The following IL9 variants were observed in gnomAD, a reference collection of about 807,000 sequenced individuals.
IL9 encodes interleukin-9.
A neutral mutation model predicts 12.9 loss-of-function variants in IL9; 16 were observed. The ratio of observed to expected loss-of-function variants is 1.24; its 90% CI spans 0.84 to 1.88. The LOEUF (loss-of-function observed/expected upper bound fraction) is 1.88. IL9 is among the 40% of genes most tolerant of loss of function. The pLI, the probability that IL9 is intolerant of heterozygous loss-of-function variation, is 0.00. For synonymous variants in IL9, 69 were observed against 63.8 expected, an observed-to-expected ratio of 1.08 and a Z score of -0.39; for missense variants, 170 against 173.1, an observed-to-expected ratio of 0.98 and a Z score of 0.10.
rs778676434 is a variant in IL9, at chr5:135,894,145, A to G, written c.190T>C (p.Cys64Arg). The G allele has an allele frequency of 1.2e-6, 2 of 1,612,006 alleles. No homozygotes were observed. Among genetic ancestry groups the G allele is most frequent in the African/African-American group, 2.7e-5 (2 of 74,884 alleles). The change falls in exon 4 of 5, where the codon TGC (cysteine) becomes CGC (arginine). Residue 64 changes from cysteine (C) to arginine (R), a missense_variant. By Grantham distance (180) the Cys-to-Arg change is radical. Transcript: ENST00000274520. Reference sequence around the variant, plus strand: ...CTCTCACTGAAGCATGGTCTGGTGCAGTTGTCCTGGTAAATAGTAAGGATT... The same window carrying G: ...CTCTCACTGAAGCATGGTCTGGTGCGGTTGTCCTGGTAAATAGTAAGGATT... Reference protein sequence around the residue: ...CLCLGIPSDNCTRPCFSERLS... With the variant: ...CLCLGIPSDNRTRPCFSERLS...
At chr5:135,894,576 G>T (rs766963614) in intron 3 of IL9, among the ~76,000 whole-genome samples, 1 of 152,222 alleles carries the variant, frequency 6.6e-6, no homozygotes, top group Non-Finnish European at 1.5e-5. Flanking sequence ...TACTCCAAGG[G>T]ACAGGGGCTG....
intron 3 of IL9, among the ~76,000 whole-genome samples, chr5:135,894,587 T>A (rs752143540): frequency 6.6e-6 from 1 of 152,346 alleles, no homozygotes; most frequent in Non-Finnish European, 1.5e-5. Context: ...ACAGGGGCTG[T>A]GCTGTCTGCC....
In IL9 at chr5:135,892,386, C is replaced by A. The variant is rs768335425; in HGVS notation, c.*5G>T. ...TTAATAAATAGGATAAATAATATTT[C>A]ATCTTCATATCTTGCCTCTCATCCC... On this transcript the variant is annotated 3_prime_UTR_variant, in exon 5 of 5. Coordinates refer to ENST00000274520, the MANE Select transcript of IL9 (RefSeq NM_000590.2). 1.9e-6 allele frequency: 3 copies of A among 1,576,664 alleles called. No individual in the cohort carries two copies. The South Asian group carries it at 3.5e-5, about 18-fold the overall frequency.
chr5:135,894,910 A>C (rs1762920666), intron 3 of IL9, among the ~76,000 whole-genome samples: 1 of 152,126 alleles, frequency 6.6e-6, no homozygotes, highest in African/African-American at 2.4e-5. Flanking sequence ...TCAAACCAAC[A>C]GTCACTCTAA....
chr5:135,895,291 CAA>C, intron 3 of IL9, 147 bp downstream of exon 3: 1 of 626,984 alleles, frequency 1.6e-6, no homozygotes, highest in Non-Finnish European at 2.7e-6. Flanking sequence ...TAATTTGTAA[CAA>C]TGTGGTTTTA....
chr5:135,894,061 C>T lies in IL9; in HGVS notation c.274G>A (p.Val92Met), dbSNP rs148613042. 5.7e-5 allele frequency: 92 copies of T among 1,612,872 alleles called. No individual in the cohort carries two copies. Among genetic ancestry groups the T allele is most frequent in the Admixed American group, 3.5e-4 (21 of 59,644 alleles). The change falls in exon 4 of 5, where the codon GTG (valine) becomes ATG (methionine). Residue 92 changes from valine to methionine, a missense_variant. Val to Met is a conservative substitution (Grantham distance 21, BLOSUM62 1). Transcript: ENST00000274520. ...QTRYPLIFSR[V>M]KKSVEVLKNN... ...TTTAGTACTTCAACTGATTTTTTCA[C>T]CCGACTGAAAATCAGTGGGTATCTT...
chr5:135,892,600 G>T, intron 4 of IL9, 90 bp from the exon 5 acceptor site: 1 of 1,430,578 alleles, frequency 7.0e-7, no homozygotes, highest in Non-Finnish European at 9.5e-7. Context: ...AGCCAGAGTC[G>T]GTGGTGAGGA....
In IL9 at chr5:135,895,704, T is replaced by G; in HGVS notation, c.113A>C (p.Gln38Pro). The G allele has an allele frequency of 6.2e-7, 1 of 1,612,406 alleles. No homozygotes were observed. The highest frequency in any genetic ancestry group is 8.5e-7 in the Non-Finnish European group (1 of 1,178,414). Residue 38 changes from glutamine to proline, a missense_variant and splice_region_variant, in exon 1 of 5, where the codon CAG becomes CCG. Physicochemically the swap from Gln to Pro is moderately conservative, Grantham distance 76. Coordinates refer to ENST00000274520, the MANE Select transcript of IL9 (RefSeq NM_000590.2). ...CCATGGGCTCCCCCTGCAGCCTACC[T>G]GCATCTTGTTGATGAGGAAGTTGAT... ...LDINFLINKM[Q>P]EDPASKCHCS...
Position 135,895,835 on chromosome 5 carries a change from CT to C in IL9, c.-20del. On this transcript the variant is annotated 5_prime_UTR_variant, in exon 1 of 5. Transcript: ENST00000274520. ...GAAGCATCTTGACAGCGGACTGGAG[CT>C]CGCTTGCAGACACCTTCAAATCGAG... is the stretch of plus-strand genomic sequence containing the variant. 2 of 1,547,410 alleles carry C rather than the reference CT, an allele frequency of 1.3e-6. No individual in the cohort carries two copies. Among genetic ancestry groups the C allele is most frequent in the Non-Finnish European group, 1.8e-6 (2 of 1,121,492 alleles).
Position 135,894,125 on chromosome 5 carries a change from A to G in IL9, c.210T>C (p.Ser70=). 1 of 1,613,238 alleles carries G rather than the reference A, an allele frequency of 6.2e-7. No homozygotes were observed. The highest frequency in any genetic ancestry group is 2.2e-5 in the East Asian group (1 of 44,872). The change falls in exon 4 of 5, where the codon AGT becomes AGC. Residue 70 remains serine (S), a synonymous_variant. Coordinates refer to ENST00000274520, the MANE Select transcript of IL9 (RefSeq NM_000590.2). ...PSDNCTRPCF[S]ERLSQMTNTT... ...TATTGGTCATCTGAGACAGTCTCTC[A>G]CTGAAGCATGGTCTGGTGCAGTTGT...
At chr5:135,893,353 T>G (rs968435791) in intron 4 of IL9, among the ~76,000 whole-genome samples, 4 of 152,210 alleles carry the variant, frequency 2.6e-5, no homozygotes, top group African/African-American at 2.4e-5. Context: ...GGCTCACACC[T>G]GTCATCCCAG....
intron 4 of IL9, 105 bp from the exon 5 acceptor site, chr5:135,892,615 G>T: frequency 7.6e-7 from 1 of 1,321,752 alleles, no homozygotes; most frequent in Non-Finnish European, 1.0e-6. Context: ...TGAGGATTGT[G>T]GGGATGGGAA....
rs760184247 is a variant in IL9, at chr5:135,894,171, T to TA, written c.184-21dup. ...GTTGTCCTGGTAAATAGTAAGGATT[T>TA]ATTCAAAGAAATATTCTGAGGACAG... On this transcript the variant is annotated intron_variant, in intron 3 of 4. Transcript: ENST00000274520. The TA allele has an allele frequency of 1.9e-6, 3 of 1,607,194 alleles. No individual in the cohort carries two copies. Among genetic ancestry groups the TA allele is most frequent in the Non-Finnish European group, 2.5e-6 (3 of 1,177,554 alleles).
At chr5:135,893,052 A>G (rs1156981378) in intron 4 of IL9, among the ~76,000 whole-genome samples, 3 of 152,212 alleles carry the variant, frequency 2.0e-5, no homozygotes, top group African/African-American at 7.2e-5. Context: ...TCAGTGAGAC[A>G]GCATATATTA....
At chr5:135,894,217 G>C (rs1762913359) in intron 3 of IL9, 66 bp from the exon 4 acceptor site, 1 of 1,453,918 alleles carries the variant, frequency 6.9e-7, no homozygotes, top group African/African-American at 1.4e-5. Context: ...ATATCACAAA[G>C]AGCAATATAA....
chr5:135,892,360 T>C lies in IL9; in HGVS notation c.*31A>G, dbSNP rs1344471540. 4 of 1,506,648 alleles carry C rather than the reference T, an allele frequency of 2.7e-6. No individual in the cohort carries two copies. Among genetic ancestry groups the C allele is most frequent in the Non-Finnish European group, 3.6e-6 (4 of 1,112,310 alleles). The allele number at this position is 1,506,648 out of a possible 1,614,324, so 93.3% of individuals were successfully genotyped here. A position where few individuals can be genotyped will look rare whatever the true frequency, so the allele number is the denominator to read the frequency against. On this transcript the variant is annotated 3_prime_UTR_variant, in exon 5 of 5. Coordinates refer to ENST00000274520, the MANE Select transcript of IL9 (RefSeq NM_000590.2). ...CAACTTAAAGAGAAAGCTTTTTAAA[T>C]TTAATAAATAGGATAAATAATATTT...
At chr5:135,892,759 CA>C (rs1561570678) in intron 4 of IL9, among the ~76,000 whole-genome samples, 88 of 151,828 alleles carry the variant, frequency 5.8e-4, no homozygotes, top group African/African-American at 2.0e-3. Context: ...CACACACACA[CA>C]CACACACACA....
At chr5:135,893,431 G>A (rs542279434) in intron 4 of IL9, among the ~76,000 whole-genome samples, 2 of 152,220 alleles carry the variant, frequency 1.3e-5, no homozygotes, top group South Asian at 4.1e-4. Flanking sequence ...GGCCAACATG[G>A]TGAAACCCCA....
At position 135,893,570 on chromosome 5, in the gene IL9, C is replaced by T. The variant is rs187778447; in HGVS notation, c.315+450G>A. Among the ~76,000 whole-genome samples the T allele has an allele frequency of 8.5e-5, 13 of 152,234 alleles. No homozygotes were observed. In the East Asian group the frequency reaches 2.5e-3, roughly 29 times the overall value. On this transcript the variant is annotated intron_variant, in intron 4 of 4. Coordinates refer to ENST00000274520, the MANE Select transcript of IL9 (RefSeq NM_000590.2). ...GAGGCTGCAGTGAGCTCAGATGGCA[C>T]CACTGCACTCCAGCCTGGGCAACAG...
Sources: gnomAD v4.1 joint callset for allele counts (sites outside exome capture counted in the v4.1 genomes callset) on GRCh38, gnomAD v4.1.1 for gene constraint, MANE v1.5 for transcripts, NCBI Gene and HGNC (gene_info 2026-07-23, HGNC 2026-07-21) for gene names.